The following TBC1D7 variants were observed in gnomAD, a reference collection of about 807,000 sequenced individuals.
TBC1D7 encodes TBC1 domain family member 7.
In TBC1D7, 33 loss-of-function variants were observed where a neutral mutation model predicts 35.3. The ratio of observed to expected loss-of-function variants is 0.93; its 90% confidence interval spans 0.71 to 1.25. TBC1D7 has a LOEUF of 1.25. Among genes scored for constraint, TBC1D7 ranks in the 50% most tolerant of loss-of-function variants. The pLI is 0.00. For synonymous variants in TBC1D7, 135 were observed against 129.5 expected (o/e 1.04, Z -0.29); for missense variants, 362 against 365.3 (o/e 0.99, Z 0.07).
At chr6:13,305,567 A>C in intron 7 of TBC1D7, 1 of 239,674 alleles carries the variant, frequency 4.2e-6, no homozygotes, top group Non-Finnish European at 8.3e-6. Flanking sequence ...TCTGGTTATA[A>C]TGATGATTAT....
At chr6:13,324,959 T>C (rs1220674613) in intron 3 of TBC1D7, 135 bp downstream of exon 3, 1 of 609,844 alleles carries the variant, frequency 1.6e-6, no homozygotes, top group Non-Finnish European at 2.9e-6. Context: ...TGAGTGGTAA[T>C]TGAACCTCCT....
At chr6:13,323,852 G>T (rs566234677) in intron 3 of TBC1D7, 1 of 152,184 alleles carries the variant, frequency 6.6e-6, no homozygotes, top group African/African-American at 2.4e-5. Context: ...TTCCACAAAC[G>T]TAAGCTCAAA....
intron 3 of TBC1D7, among the ~76,000 whole-genome samples, chr6:13,324,211 T>G (rs1299047548): frequency 6.6e-6 from 1 of 151,882 alleles, no homozygotes; most frequent in Non-Finnish European, 1.5e-5. Context: ...CACTGCAACC[T>G]CTGCCTCCCG....
chr6:13,317,207 G>A (rs890952862), intron 4 of TBC1D7, among the ~76,000 whole-genome samples: 3 of 152,162 alleles, frequency 2.0e-5, no homozygotes, highest in African/African-American at 7.2e-5. Context: ...TCTATCTTAA[G>A]CAGTACAAAA....
Position 13,316,684 on chromosome 6 carries a change from C to A in TBC1D7, c.406G>T (p.Ala136Ser). The change falls in exon 5 of 8, where the codon GCC (alanine) becomes TCC (serine). Residue 136 changes from alanine to serine, a missense_variant. Physicochemically the swap from Ala to Ser is moderately conservative, Grantham distance 99 (BLOSUM62 1). Coordinates refer to ENST00000379300, the MANE Select transcript of TBC1D7 (RefSeq NM_016495.6). The stretch of plus-strand genomic sequence containing the variant: ...ATTTCCTCCATGGCTTTAGCTATGG[C>A]AAGAAACACTTCATCATCTGGCTCC... Reference protein sequence around the residue: ...PLEPDDEVFLAIAKAMEEMVE... With the variant: ...PLEPDDEVFLSIAKAMEEMVE... The A allele has an allele frequency of 6.2e-7, 1 of 1,614,062 alleles. No individual in the cohort carries two copies. Among genetic ancestry groups the A allele is most frequent in the South Asian group, 1.1e-5 (1 of 91,076 alleles).
At chr6:13,310,536 G>A (rs754036965) in intron 5 of TBC1D7, among the ~76,000 whole-genome samples, 2 of 151,852 alleles carry the variant, frequency 1.3e-5, no homozygotes, top group African/African-American at 4.8e-5. Context: ...TACTTGGGAG[G>A]CTGAGGCAGG....
chr6:13,313,176 C>T (rs1455765572), intron 5 of TBC1D7, among the ~76,000 whole-genome samples: 2 of 152,174 alleles, frequency 1.3e-5, no homozygotes, highest in South Asian at 2.1e-4. Context: ...ATTTTACTGT[C>T]TCAATGAGTC....
intron 5 of TBC1D7, among the ~76,000 whole-genome samples, chr6:13,314,946 A>AC (rs1783498998): frequency 6.6e-6 from 1 of 152,250 alleles, no homozygotes; most frequent in Non-Finnish European, 1.5e-5. Flanking sequence ...TGCAGCAAGT[A>AC]CCATTCAGTT....
chr6:13,319,875 A>C (rs969418348), intron 4 of TBC1D7: 1 of 152,246 alleles, frequency 6.6e-6, no homozygotes, highest in Non-Finnish European at 1.5e-5. Flanking sequence ...GAGAAATAGC[A>C]ATTACAAAGG....
At chr6:13,308,936 T>C (rs1782999232) in intron 5 of TBC1D7, among the ~76,000 whole-genome samples, 1 of 152,232 alleles carries the variant, frequency 6.6e-6, no homozygotes, top group South Asian at 2.1e-4. Context: ...ACCTGGGCTG[T>C]AGGAGGCAGA....
chr6:13,309,735 G>A (rs1783061208), intron 5 of TBC1D7, among the ~76,000 whole-genome samples: 1 of 152,138 alleles, frequency 6.6e-6, no homozygotes, highest in African/African-American at 2.4e-5. Flanking sequence ...TCTTTTATTA[G>A]TTGAACTCAT....
In TBC1D7 at chr6:13,328,422, G is replaced by C. The variant is rs1478086908; in HGVS notation, c.-135C>G. 6.5e-6 allele frequency: 1 copy of C among 153,448 alleles called. No homozygotes were observed. Among genetic ancestry groups the C allele is most frequent in the Non-Finnish European group, 1.5e-5 (1 of 68,352 alleles). The allele number at this position is 153,448 out of a possible 1,614,324, so 9.5% of individuals were successfully genotyped here. On this transcript the variant is annotated 5_prime_UTR_variant, in exon 1 of 8. Coordinates refer to ENST00000379300, the MANE Select transcript of TBC1D7 (RefSeq NM_016495.6). Reference sequence around the variant, plus strand: ...GTTGGGGCCCAGGGCCAGGAGGGACGAGTCCTGCGGGAAGGAGGGAGGCGG... The same window carrying C: ...GTTGGGGCCCAGGGCCAGGAGGGACCAGTCCTGCGGGAAGGAGGGAGGCGG...
rs749429061 is a variant in TBC1D7 at position 13,325,132 on chromosome 6, G to A, written c.155C>T (p.Pro52Leu). The A allele has an allele frequency of 2.6e-5, 42 of 1,613,482 alleles. No homozygotes were observed. The highest frequency in any genetic ancestry group is 5.3e-5 in the African/African-American group (4 of 74,888). Residue 52 changes from proline (P) to leucine (L), a missense_variant, in exon 3 of 8, where the codon CCG (proline) becomes CTG (leucine). Physicochemically the swap from Pro to Leu is moderately conservative, Grantham distance 98 (BLOSUM62 -3). Transcript: ENST00000379300. Reference sequence around the variant, plus strand: ...CCATACCAATGCACGGTACATGGACGGGAGAGGGAACCTCTGACTAAAAGT... The same window carrying A: ...CCATACCAATGCACGGTACATGGACAGGAGAGGGAACCTCTGACTAAAAGT... The part of the protein sequence containing the change: ...LCTFSQRFPL[P>L]SMYRALVWKV...
At chr6:13,312,531 T>C (rs1198798987) in intron 5 of TBC1D7, among the ~76,000 whole-genome samples, 3 of 151,552 alleles carry the variant, frequency 2.0e-5, no homozygotes, top group Non-Finnish European at 2.9e-5. Context: ...CTACTAAAAA[T>C]ACAAAAATTA....
At chr6:13,306,268 A>C (rs1381767459) in intron 7 of TBC1D7, 130 bp downstream of exon 7, 1 of 648,358 alleles carries the variant, frequency 1.5e-6, no homozygotes, top group Non-Finnish European at 2.4e-6. Flanking sequence ...TTATTCTCTG[A>C]AACATTCTAA....
intron 5 of TBC1D7, among the ~76,000 whole-genome samples, chr6:13,314,173 C>T (rs931318168): frequency 6.6e-6 from 1 of 151,176 alleles, no homozygotes; most frequent in African/African-American, 2.4e-5. Context: ...CCACTGCACT[C>T]CCGCCTTGGC....
chr6:13,306,501 G>A lies in TBC1D7; in HGVS notation c.692C>T (p.Ser231Phe). 2 of 1,606,120 alleles carry A rather than the reference G, an allele frequency of 1.2e-6. No homozygotes were observed. The highest frequency in any genetic ancestry group is 1.7e-5 in the Admixed American group (1 of 57,930). ...QRVWDKVVSG[S>F]CKILVFVAVE... is the part of the protein sequence containing the mutation. ...AGCTACAAAAACTAGGATCTTACAG[G>A]ATCCACTCACAACTTTATCCCAAAC... The change falls in exon 7 of 8, where the codon TCC becomes TTC. Residue 231 changes from serine to phenylalanine, a missense_variant. Coordinates refer to ENST00000379300, the MANE Select transcript of TBC1D7 (RefSeq NM_016495.6).
At chr6:13,322,285 A>G (rs1326257082) in intron 3 of TBC1D7, among the ~76,000 whole-genome samples, 1 of 152,136 alleles carries the variant, frequency 6.6e-6, no homozygotes, top group East Asian at 1.9e-4. Context: ...AAAACAAAAA[A>G]AAACATTTTA....
At chr6:13,308,862 T>C (rs531637431) in intron 5 of TBC1D7, among the ~76,000 whole-genome samples, 10 of 152,322 alleles carry the variant, frequency 6.6e-5, no homozygotes, top group Middle Eastern at 6.8e-3. Flanking sequence ...CAATACACTG[T>C]AACGCTGTGA....
Sources: gnomAD v4.1 joint callset for allele counts (sites outside exome capture counted in the v4.1 genomes callset) on GRCh38, gnomAD v4.1.1 for gene constraint, MANE v1.5 for transcripts, NCBI Gene and HGNC (gene_info 2026-07-23, HGNC 2026-07-21) for gene names.